TPM4: variants seen among roughly 807,000 people sequenced by gnomAD.
The protein encoded by TPM4 is tropomyosin 4.
Under a neutral mutation model 35.8 loss-of-function variants are expected in TPM4, and 17 were observed. The ratio of observed to expected loss-of-function variants is 0.47; its 90% CI spans 0.32 to 0.71. The LOEUF is 0.71. Ranked by LOEUF, TPM4 falls within the 30% of genes least tolerant of loss-of-function variation. The pLI, the probability that TPM4 is intolerant of heterozygous loss-of-function variation, is 0.03. For synonymous variants in TPM4, 120 were observed against 122.9 expected, an observed-to-expected ratio of 0.98 and a Z score of 0.15; for missense variants, 240 against 320.9, an observed-to-expected ratio of 0.75 and a Z score of 1.93.
At position 16,093,710 on chromosome 19, in the gene TPM4, G is replaced by A; in HGVS notation, c.621G>A (p.Glu207=). 1 of 1,614,086 alleles carries A rather than the reference G, an allele frequency of 6.2e-7. No individual in the cohort carries two copies. The highest frequency in any genetic ancestry group is 8.5e-7 in the Non-Finnish European group (1 of 1,180,040). ...KEAETRAEFA[E]RTVAKLEKTI... ...CTGAGACCCGTGCTGAATTTGCAGA[G>A]AGAACGGTTGCAAAACTGGAAAAGA... Residue 207 remains glutamate, a synonymous_variant, in exon 7 of 8, where the codon GAG becomes GAA. Transcript: ENST00000643579.
intron 4 of TPM4, 33 bp from the exon 5 acceptor site, chr19:16,089,012 G>A: frequency 6.2e-7 from 1 of 1,613,736 alleles, no homozygotes; most frequent in South Asian, 1.1e-5. Context: ...TGTAAGGGAA[G>A]ATAAGACACA....
At chr19:16,095,274 C>A (rs538882242) in intron 7 of TPM4, 9 of 1,026,554 alleles carry the variant, frequency 8.8e-6, no homozygotes, top group Non-Finnish European at 1.1e-5. Flanking sequence ...ATGAGTTATA[C>A]GCTCAGAAGC....
At chr19:16,073,226 C>T (rs58497040), upstream of TPM4, among the ~76,000 whole-genome samples, 2,775 of 152,188 alleles carry the variant, frequency 0.018, 99 homozygotes, top group African/African-American at 0.064. Context: ...CATCTTCATA[C>T]CCTGATGAGT....
chr19:16,071,980 C>T (rs1030891371), upstream of TPM4, among the ~76,000 whole-genome samples: 1 of 152,190 alleles, frequency 6.6e-6, no homozygotes, highest in Non-Finnish European at 1.5e-5. Context: ...CGCCACCAGG[C>T]CCGGCTAATT....
At chr19:16,098,194 A>G (rs371781751) in intron 7 of TPM4, among the ~76,000 whole-genome samples, 2 of 152,102 alleles carry the variant, frequency 1.3e-5, no homozygotes, top group African/African-American at 4.8e-5. Flanking sequence ...TGTAATCCCA[A>G]CACTTTGGGA....
Position 16,067,816 on chromosome 19 carries a change from T to TG in TPM4, c.114+83dup. ...GGAAGGCCGGGGTCTGGAGCCCAGT[T>TG]GGGGGTCGCAGACACCTGCGGGAGG... On this transcript the variant is annotated intron_variant, in intron 2 of 2. Transcript: ENST00000589897. The surrounding 1 kb of genome is among the most constrained non-coding windows in gnomAD (Gnocchi z 4.1). 2 of 1,403,616 alleles carry TG rather than the reference T, an allele frequency of 1.4e-6. No individual in the cohort carries two copies. The highest frequency in any genetic ancestry group is 1.2e-5 in the South Asian group (1 of 80,844). The allele number at this position is 1,403,616 out of a possible 1,614,324, so 86.9% of individuals were successfully genotyped here.
chr19:16,071,474 G>A (rs560458831), intron 2 of TPM4, among the ~76,000 whole-genome samples: 148 of 152,260 alleles, frequency 9.7e-4, no homozygotes, highest in Non-Finnish European at 1.5e-3. Flanking sequence ...CTTGAGCCAC[G>A]GAGCCTGGTC....
At chr19:16,095,454 T>G in intron 7 of TPM4, 1 of 1,025,908 alleles carries the variant, frequency 9.7e-7, no homozygotes, top group Non-Finnish European at 1.2e-6. Context: ...CGTCAGAGCC[T>G]TCTTCTGATG....
chr19:16,073,996 C>A (rs2144912919), upstream of TPM4, among the ~76,000 whole-genome samples: 1 of 101,790 alleles, frequency 9.8e-6, no homozygotes, highest in African/African-American at 3.8e-5. Flanking sequence ...ACACACACAG[C>A]AAGATCAGGT....
upstream of TPM4, chr19:16,076,239 G>C: frequency 6.5e-7 from 1 of 1,546,698 alleles, no homozygotes; most frequent in Non-Finnish European, 8.7e-7. Flanking sequence ...GGGAAGGCGG[G>C]GAGAGCCGCA....
intron 4 of TPM4, chr19:16,088,774 C>G (rs1036495957): frequency 8.2e-7 from 1 of 1,212,606 alleles, no homozygotes; most frequent in Non-Finnish European, 1.0e-6. Flanking sequence ...GTCCTTGCAG[C>G]CTTACCCTTG....
intron 5 of TPM4, among the ~76,000 whole-genome samples, chr19:16,090,824 ATT>A (rs1017045831): frequency 1.7e-4 from 21 of 123,346 alleles, no homozygotes; most frequent in Admixed American, 3.3e-4. Context: ...TGTGTGTGTA[ATT>A]TTTTTTTTTT....
intron 2 of TPM4, among the ~76,000 whole-genome samples, chr19:16,083,219 G>C (rs1398351016): frequency 6.6e-6 from 1 of 152,128 alleles, no homozygotes; most frequent in Non-Finnish European, 1.5e-5. Context: ...CGAGGCGGGT[G>C]GATCAACTGA....
rs1879252282 is a variant in TPM4 at position 16,069,566 on chromosome 19, TGG to T, written c.114+1829_114+1830del. ...TGTGTGGATGAGTGTGTGTTTCTAT[TGG>T]TGTGTGTGTTTCTATTGGTGTGTGT... On this transcript the variant is annotated intron_variant, in intron 2 of 2. Coordinates refer to the TPM4 transcript ENST00000589897. 6.0e-5 allele frequency among the ~76,000 whole-genome samples: 9 copies of T among 149,596 alleles called. No individual in the cohort carries two copies. The South Asian group carries it at 1.9e-3, about 32-fold the overall frequency.
chr19:16,093,491 G>T, intron 5 of TPM4, 45 bp from the exon 6 acceptor site: 1 of 1,610,234 alleles, frequency 6.2e-7, no homozygotes, highest in Non-Finnish European at 8.5e-7. Flanking sequence ...ACCATGCCTG[G>T]CTGGGCCTCC....
intron 1 of TPM4, 73 bp downstream of exon 1, chr19:16,076,770 C>G: frequency 7.8e-7 from 1 of 1,282,614 alleles, no homozygotes. Flanking sequence ...CCCGGCTTCC[C>G]GCGCTGCCCG....
chr19:16,088,684 A>G (rs1199722417), intron 4 of TPM4: 3 of 1,058,940 alleles, frequency 2.8e-6, no homozygotes, highest in African/African-American at 1.7e-5. Context: ...GCAAACTCCC[A>G]TTGCTCTCTG....
upstream of TPM4, chr19:16,075,567 T>C (rs1351150894): frequency 6.4e-6 from 1 of 156,582 alleles, no homozygotes; most frequent in Non-Finnish European, 1.4e-5. Context: ...TAGCAGGTTC[T>C]AGGCAGAAAG....
At chr19:16,075,159 G>C (rs571949310), upstream of TPM4, 1 of 152,160 alleles carries the variant, frequency 6.6e-6, no homozygotes, top group Admixed American at 6.5e-5. Flanking sequence ...CCCAGGGAGG[G>C]AGTTTCAGCC....
Sources: gnomAD v4.1 joint callset for allele counts (sites outside exome capture counted in the v4.1 genomes callset) on GRCh38, gnomAD v4.1.1 for gene constraint, Gnocchi (gnomAD v3.1) non-coding constraint, MANE v1.5 for transcripts, NCBI Gene and HGNC (gene_info 2026-07-23, HGNC 2026-07-21) for gene names.